ZC2HC1A: variants seen among roughly 807,000 people sequenced by gnomAD.
The protein encoded by ZC2HC1A is zinc finger C2HC domain-containing protein 1A.
ZC2HC1A carries 28 observed loss-of-function variants against 40.7 expected under a neutral mutation model. The ratio of observed to expected loss-of-function variants is 0.69; its 90% CI spans 0.51 to 0.94. ZC2HC1A has a LOEUF of 0.94. Ranked by LOEUF, ZC2HC1A falls within the 40% of genes least tolerant of loss-of-function variation. ZC2HC1A has a pLI of 0.00. For missense variants in ZC2HC1A, 389 were observed against 386.3 expected (o/e 1.01, Z -0.06); for synonymous variants, 129 against 129.2 (o/e 1.00, Z 0.01).
chr8:78,673,352 T>A (rs1809488415), intron 1 of ZC2HC1A, among the ~76,000 whole-genome samples: 1 of 152,186 alleles, frequency 6.6e-6, no homozygotes, highest in South Asian at 2.1e-4. Context: ...TCTTTGCTAT[T>A]GTAAATAGTG....
rs541077591 is a variant in ZC2HC1A, at chr8:78,697,577, G to T, written c.604+71G>T. The T allele has an allele frequency of 4.5e-5, 49 of 1,087,566 alleles. No individual in the cohort carries two copies. In the African/African-American group the frequency reaches 7.0e-4, roughly 16 times the overall value. 67.4% of individuals were successfully genotyped at this position (1,087,566 alleles called of 1,614,324 possible). On this transcript the variant is annotated intron_variant, in intron 6 of 8. Coordinates refer to ENST00000263849, the MANE Select transcript of ZC2HC1A (RefSeq NM_016010.3). ...TGGCAGAGCAGGAAATAAAGATAGTGGTCTATTCTGGAATATTAAGATAGA... is the reference window on the plus strand; with the variant it reads ...TGGCAGAGCAGGAAATAAAGATAGTTGTCTATTCTGGAATATTAAGATAGA...
At chr8:78,712,132 T>G in intron 7 of ZC2HC1A, 1 of 1,241,828 alleles carries the variant, frequency 8.1e-7, no homozygotes, top group Non-Finnish European at 1.1e-6. Context: ...TCAGTTTGGT[T>G]AATATTTTTC....
intron 7 of ZC2HC1A, among the ~76,000 whole-genome samples, chr8:78,707,942 T>C (rs1485687541): frequency 6.6e-6 from 1 of 152,104 alleles, no homozygotes; most frequent in Non-Finnish European, 1.5e-5. Context: ...TATGTCTGCC[T>C]TGCTTCCATT....
intron 1 of ZC2HC1A, among the ~76,000 whole-genome samples, chr8:78,667,297 A>G (rs141803801): frequency 3.9e-5 from 6 of 152,218 alleles, no homozygotes; most frequent in Admixed American, 6.5e-5. Flanking sequence ...GGACAGCTGC[A>G]GTATGCTATG....
rs1228336269 is a variant in ZC2HC1A at position 78,681,138 on chromosome 8, C to T, written c.210+2459C>T. 9.2e-5 allele frequency among the ~76,000 whole-genome samples: 14 copies of T among 151,618 alleles called. No individual in the cohort carries two copies. In the East Asian group the frequency reaches 2.3e-3, roughly 25 times the overall value. ...GAAGCAGGGTGTAATTACACAGAGA[C>T]GCCTTATTTGCAGGAACTAGTCTGA... On this transcript the variant is annotated intron_variant, in intron 3 of 8. Transcript: ENST00000263849.
rs766166137 is a variant in ZC2HC1A at position 78,675,776 on chromosome 8, TC to T, written c.17-9del. 6.3e-7 allele frequency: 1 copy of T among 1,589,392 alleles called. No homozygotes were observed. On this transcript the variant is annotated splice_polypyrimidine_tract_variant and intron_variant, in intron 1 of 8. Transcript: ENST00000263849. ...TATATAAATTATTTATTAAATTCCT[TC>T]CTGTTTTAGAGAATGGAGGTGTTGT...
chr8:78,695,991 A>G (rs576055203), intron 5 of ZC2HC1A, among the ~76,000 whole-genome samples: 71 of 152,282 alleles, frequency 4.7e-4, no homozygotes, highest in African/African-American at 1.7e-3. Context: ...ATTATTGGTT[A>G]TAAAATATGA....
intron 3 of ZC2HC1A, among the ~76,000 whole-genome samples, chr8:78,679,632 C>T (rs1401891112): frequency 2.0e-5 from 3 of 152,080 alleles, no homozygotes; most frequent in Non-Finnish European, 4.4e-5. Flanking sequence ...ACTTATTCAG[C>T]ATAGTTGAAA....
chr8:78,713,949 T>C (rs1811021844), intron 7 of ZC2HC1A, among the ~76,000 whole-genome samples: 1 of 152,192 alleles, frequency 6.6e-6, no homozygotes, highest in African/African-American at 2.4e-5. Flanking sequence ...AAATAGTGGA[T>C]GTTGTTATTA....
At chr8:78,715,800 G>A (rs1248484581) in intron 8 of ZC2HC1A, among the ~76,000 whole-genome samples, 4 of 152,130 alleles carry the variant, frequency 2.6e-5, no homozygotes, top group Non-Finnish European at 4.4e-5. Context: ...AGCACTTTGA[G>A]AGGCTGAGGC....
At chr8:78,682,264 T>G (rs1316767919) in intron 3 of ZC2HC1A, among the ~76,000 whole-genome samples, 1 of 152,078 alleles carries the variant, frequency 6.6e-6, no homozygotes, top group Non-Finnish European at 1.5e-5. Flanking sequence ...TGCCAGCCAA[T>G]ACAGTTAGAT....
intron 7 of ZC2HC1A, among the ~76,000 whole-genome samples, chr8:78,712,483 A>T (rs1318823819): frequency 6.6e-6 from 1 of 152,174 alleles, no homozygotes; most frequent in African/African-American, 2.4e-5. Flanking sequence ...TAATATTGTT[A>T]GATTATCTCT....
Position 78,676,694 on chromosome 8 carries a change from T to C in ZC2HC1A, c.93+831T>C, listed in dbSNP as rs144215801. Among the ~76,000 whole-genome samples the C allele has an allele frequency of 4.1e-4, 62 of 152,176 alleles. No homozygotes were observed. In the East Asian group the frequency reaches 0.012, roughly 29 times the overall value. The stretch of plus-strand genomic sequence containing the variant: ...ATGATCCAAAGTGTCCTTCTGACTG[T>C]AGGCACCTTTTAAATAATGATGGCT... On this transcript the variant is annotated intron_variant, in intron 2 of 8. Coordinates refer to ENST00000263849, the MANE Select transcript of ZC2HC1A (RefSeq NM_016010.3).
chr8:78,666,308 C>T, intron 1 of ZC2HC1A, 144 bp downstream of exon 1: 1 of 1,355,636 alleles, frequency 7.4e-7, no homozygotes, highest in Non-Finnish European at 1.0e-6. Flanking sequence ...AGGCTGGGGC[C>T]GAAGGGAACC....
rs1406249223 is a variant in ZC2HC1A at position 78,718,481 on chromosome 8, G to A, written c.*988G>A. On this transcript the variant is annotated 3_prime_UTR_variant, in exon 9 of 9. Transcript: ENST00000263849. Reference sequence around the variant, plus strand: ...GTAACTAATCATTAGTGCAGAGCATGCAGATAAAAAATATTTGAATTTTTT... The same window carrying A: ...GTAACTAATCATTAGTGCAGAGCATACAGATAAAAAATATTTGAATTTTTT... 6.6e-6 allele frequency: 1 copy of A among 151,872 alleles called. No individual in the cohort carries two copies. Among genetic ancestry groups the A allele is most frequent in the Non-Finnish European group, 1.5e-5 (1 of 67,804 alleles). The allele number at this position is 151,872 out of a possible 1,614,324, so 9.4% of individuals were successfully genotyped here. A position where few individuals can be genotyped will look rare whatever the true frequency, so the allele number is the denominator to read the frequency against.
intron 5 of ZC2HC1A, among the ~76,000 whole-genome samples, chr8:78,692,728 G>T (rs940570738): frequency 8.6e-5 from 13 of 151,352 alleles, no homozygotes; most frequent in Non-Finnish European, 1.5e-4. Flanking sequence ...CTTCTAATTT[G>T]TTTTTTTTAT....
intron 7 of ZC2HC1A, among the ~76,000 whole-genome samples, chr8:78,702,834 T>C (rs184551051): frequency 1.3e-5 from 2 of 152,220 alleles, no homozygotes; most frequent in African/African-American, 2.4e-5. Flanking sequence ...ATATTTGTTA[T>C]GATTTCAGTT....
In ZC2HC1A at chr8:78,715,234, C is replaced by A. The variant is rs1811062507; in HGVS notation, c.718C>A (p.Pro240Thr). The stretch of plus-strand genomic sequence containing the variant: ...TCTTTTTTATAGAGCTAATGTCAAA[C>A]CCCGAAATTCCACACCACCTAGTTT... ...AAPHAGANVKPRNSTPPSLAR... is the reference protein window; with the variant it reads ...AAPHAGANVKTRNSTPPSLAR... Residue 240 changes from proline to threonine, a missense_variant, in exon 8 of 9, where the codon CCC (proline) becomes ACC (threonine). Transcript: ENST00000263849. The A allele has an allele frequency of 6.2e-7, 1 of 1,613,506 alleles. No homozygotes were observed.
intron 5 of ZC2HC1A, among the ~76,000 whole-genome samples, chr8:78,692,592 T>C (rs991111750): frequency 6.6e-6 from 1 of 152,166 alleles, no homozygotes; most frequent in African/African-American, 2.4e-5. Context: ...TAAGGAGGTC[T>C]AAGTGTAGGT....
Sources: allele counts gnomAD v4.1 joint callset (sites outside exome capture counted in the v4.1 genomes callset), GRCh38; gene constraint gnomAD v4.1.1; transcripts MANE v1.5; gene names NCBI Gene and HGNC (gene_info 2026-07-23, HGNC 2026-07-21).